Variants in CNTN6 observed in about 807,000 individuals in gnomAD.
The protein encoded by CNTN6 is contactin-6.
CNTN6 carries 137 observed loss-of-function variants against 122.8 expected under a neutral mutation model. The ratio of observed to expected loss-of-function variants is 1.12; its 90% CI spans 0.97 to 1.29. The LOEUF (loss-of-function observed/expected upper bound fraction) is 1.29. Among genes scored for constraint, CNTN6 ranks in the 50% most tolerant of loss-of-function variants. The pLI is 0.00. For missense variants in CNTN6, 1,634 were observed against 1,223.4 expected (o/e 1.34, Z -5.01); for synonymous variants, 570 against 426.0 (o/e 1.34, Z -4.16).
intron 2 of CNTN6, among the ~76,000 whole-genome samples, chr3:1,211,774 AG>A (rs1472653376): frequency 6.6e-6 from 1 of 152,166 alleles, no homozygotes; most frequent in Non-Finnish European, 1.5e-5. Flanking sequence ...TCTCTGCTCA[AG>A]CAACCAGCAG....
chr3:1,297,257 T>A (rs554282928), intron 6 of CNTN6, among the ~76,000 whole-genome samples: 1 of 152,288 alleles, frequency 6.6e-6, no homozygotes, highest in Non-Finnish European at 1.5e-5. Flanking sequence ...AGATTAAAAA[T>A]GATCAAAGTA....
At chr3:1,111,373 C>T (rs1343722373) in intron 1 of CNTN6, among the ~76,000 whole-genome samples, 2 of 152,106 alleles carry the variant, frequency 1.3e-5, no homozygotes, top group Admixed American at 1.3e-4. Flanking sequence ...ATTTAATTCT[C>T]ATAAAAACCT....
chr3:1,144,519 G>T (rs1211018454), intron 1 of CNTN6, among the ~76,000 whole-genome samples: 1 of 151,788 alleles, frequency 6.6e-6, no homozygotes, highest in Admixed American at 6.6e-5. Context: ...AGGTTGGAGT[G>T]AGCCAAGATC....
chr3:1,116,057 A>G (rs763246871), intron 1 of CNTN6, among the ~76,000 whole-genome samples: 2 of 152,204 alleles, frequency 1.3e-5, no homozygotes, highest in Non-Finnish European at 2.9e-5. Flanking sequence ...GAGTAAAATA[A>G]AAATCCTTTT....
intron 5 of CNTN6, among the ~76,000 whole-genome samples, chr3:1,282,713 A>G (rs1693681056): frequency 1.3e-5 from 2 of 152,202 alleles, no homozygotes; most frequent in South Asian, 2.1e-4. Context: ...CGTCTCCTTC[A>G]TTCCTCCTAA....
chr3:1,283,005 C>G (rs865850743), intron 5 of CNTN6, among the ~76,000 whole-genome samples: 1 of 152,094 alleles, frequency 6.6e-6, no homozygotes, highest in African/African-American at 2.4e-5. Context: ...GGGAGTCTCG[C>G]CCTGTTGCCC....
chr3:1,215,690 ACTCTTT>A (rs200970744), intron 2 of CNTN6, among the ~76,000 whole-genome samples: 10,534 of 150,666 alleles, frequency 0.07, 450 homozygotes, highest in Middle Eastern at 0.11. Flanking sequence ...GCCATGTTTT[ACTCTTT>A]TATTGCTGCA....
rs759264023 is a variant in CNTN6 at position 1,325,802 on chromosome 3, CT to C, written c.947-8del. On this transcript the variant is annotated splice_polypyrimidine_tract_variant and intron_variant, in intron 8 of 22. Coordinates refer to ENST00000446702, the MANE Select transcript of CNTN6 (RefSeq NM_001289080.2). The stretch of plus-strand genomic sequence containing the variant: ...CCTTTTACCAAACAGTGGCACTTGC[CT>C]TTTTGAAACAGCTCCTCCAGAATGG... The C allele has an allele frequency of 5.6e-6, 9 of 1,608,304 alleles. No individual in the cohort carries two copies. Among genetic ancestry groups the C allele is most frequent in the South Asian group, 2.2e-5 (2 of 90,474 alleles).
Position 1,382,943 on chromosome 3 carries a change from C to T in CNTN6, c.2168C>T (p.Ser723Leu). The change falls in exon 18 of 23, where the codon TCA becomes TTA. Residue 723 changes from serine (S) to leucine (L), a missense_variant and splice_region_variant. By Grantham distance (145) the Ser-to-Leu change is moderately radical (BLOSUM62 -2). Transcript: ENST00000446702. ...GTGATTGATCACATTCTGCCCAAGT[C>T]AATTCCAGAAGAACTGCAGAATGGG... ...SRSELVITWE[S>L]IPEELQNGEG... 1 of 1,611,120 alleles carries T rather than the reference C, an allele frequency of 6.2e-7. No homozygotes were observed.
chr3:1,099,317 G>T (rs985012450), intron 1 of CNTN6, among the ~76,000 whole-genome samples: 2 of 151,414 alleles, frequency 1.3e-5, no homozygotes, highest in Non-Finnish European at 3.0e-5. Context: ...AGGGTGTGGT[G>T]GCGGGCGCCT....
At chr3:1,295,910 C>T (rs1272292027) in intron 6 of CNTN6, 106 bp downstream of exon 6, 17 of 949,140 alleles carry the variant, frequency 1.8e-5, no homozygotes, top group Non-Finnish European at 2.0e-5. Context: ...AGCCAAATTA[C>T]GAGTTTAGGT....
At chr3:1,099,391 C>T (rs2090752420) in intron 1 of CNTN6, among the ~76,000 whole-genome samples, 1 of 152,022 alleles carries the variant, frequency 6.6e-6, no homozygotes, top group Non-Finnish European at 1.5e-5. Context: ...GCGGAGCTTG[C>T]AGTGAGCCGA....
At chr3:1,357,085 T>C (rs546786231) in intron 12 of CNTN6, among the ~76,000 whole-genome samples, 1 of 152,040 alleles carries the variant, frequency 6.6e-6, no homozygotes, top group African/African-American at 2.4e-5. Flanking sequence ...CTGTGTTTTT[T>C]CTTAATGTAT....
intron 4 of CNTN6, among the ~76,000 whole-genome samples, chr3:1,257,501 A>AT (rs1172805889): frequency 6.6e-6 from 1 of 151,878 alleles, no homozygotes; most frequent in Non-Finnish European, 1.5e-5. Flanking sequence ...TTCACCTTGA[A>AT]TTTTTTGTAA....
intron 2 of CNTN6, among the ~76,000 whole-genome samples, chr3:1,196,453 A>T (rs2093779905): frequency 6.6e-6 from 1 of 152,092 alleles, no homozygotes; most frequent in African/African-American, 2.4e-5. Context: ...AGAAGAAGAG[A>T]TTTTTTTGTT....
chr3:1,265,446 T>C (rs1244528000), intron 4 of CNTN6, among the ~76,000 whole-genome samples: 1 of 152,166 alleles, frequency 6.6e-6, no homozygotes, highest in Non-Finnish European at 1.5e-5. Context: ...TCCCTCCTTC[T>C]CCATCCTGGT....
At chr3:1,120,232 C>T (rs999839816) in intron 1 of CNTN6, among the ~76,000 whole-genome samples, 20 of 151,796 alleles carry the variant, frequency 1.3e-4, no homozygotes, top group Admixed American at 9.9e-4. Flanking sequence ...TTACATTCTA[C>T]TTTAGAGAGG....
In CNTN6 at chr3:1,242,191, TG is replaced by T. The variant is rs2094494887; in HGVS notation, c.358+14200del. Reference sequence around the variant, plus strand: ...GTGAAGCTTTGCAGCAGTACAGCCTTGGTAATTTGCTGAGCCTAATGGGTGT... The same window carrying T: ...GTGAAGCTTTGCAGCAGTACAGCCTTGTAATTTGCTGAGCCTAATGGGTGT... On this transcript the variant is annotated intron_variant, in intron 4 of 22. Transcript: ENST00000446702. Among the ~76,000 whole-genome samples, 16 of 150,618 alleles carry T rather than the reference TG, an allele frequency of 1.1e-4. 1 individual carries two copies. In the South Asian group the frequency reaches 3.4e-3, roughly 32 times the overall value.
At chr3:1,270,198 T>G (rs2095000407) in intron 4 of CNTN6, among the ~76,000 whole-genome samples, 1 of 152,164 alleles carries the variant, frequency 6.6e-6, no homozygotes, top group African/African-American at 2.4e-5. Context: ...TAGAGATATT[T>G]CTCTGTGCCA....
Sources: allele counts gnomAD v4.1 joint callset (sites outside exome capture counted in the v4.1 genomes callset), GRCh38; gene constraint gnomAD v4.1.1; transcripts MANE v1.5; gene names NCBI Gene and HGNC (gene_info 2026-07-23, HGNC 2026-07-21).